NLGN4X: variants seen among roughly 807,000 people sequenced by gnomAD.
NLGN4X encodes the protein neuroligin-4, X-linked.
NLGN4X carries 3 observed loss-of-function variants against 40.3 expected under a neutral mutation model. That is an observed-to-expected ratio of 0.07 (90% CI 0.03 to 0.19). The LOEUF (loss-of-function observed/expected upper bound fraction) is 0.19, where lower values mean the gene tolerates loss of function less well. Ranked by LOEUF, NLGN4X falls within the 10% of genes least tolerant of loss-of-function variation. The probability of loss-of-function intolerance (pLI) is 1.00; values close to 1 mark genes in which losing one functional copy is unlikely to be tolerated. For synonymous variants in NLGN4X, 270 were observed against 306.8 expected, an observed-to-expected ratio of 0.88 and a Z score of 1.25; for missense variants, 382 against 708.3, an observed-to-expected ratio of 0.54 and a Z score of 5.23.
intron 2 of NLGN4X, among the ~76,000 whole-genome samples, chrX:6,122,589 C>T (rs7063276): frequency 0.018 from 1,977 of 109,374 alleles, 30 homozygotes; most frequent in African/African-American, 0.062. Context: ...AGACCTCTAC[C>T]GGCCTCAAGA....
chrX:6,140,860 A>T (rs1285319473), intron 2 of NLGN4X, among the ~76,000 whole-genome samples: 1 of 110,400 alleles, frequency 9.1e-6, no homozygotes, highest in Non-Finnish European at 1.9e-5. Flanking sequence ...TTACAAGAGC[A>T]AGCCACCACT....
intron 3 of NLGN4X, among the ~76,000 whole-genome samples, chrX:5,967,836 C>T (rs1345016521): frequency 9.0e-6 from 1 of 110,897 alleles, no homozygotes; most frequent in African/African-American, 3.3e-5. Context: ...TGATACCAAG[C>T]CCCTGCATCC....
At chrX:6,218,474 CCACA>C (rs371223344) in intron 1 of NLGN4X, among the ~76,000 whole-genome samples, 4 of 46,983 alleles carry the variant, frequency 8.5e-5, no homozygotes, top group South Asian at 2.3e-3. Context: ...GAGATTAAAC[CCACA>C]CACACACACA....
rs186641900 is a variant in NLGN4X at position 6,042,239 on chromosome X, G to A, written c.473-12807C>T. Among the ~76,000 whole-genome samples, 690 of 111,327 alleles carry A rather than the reference G, an allele frequency of 6.2e-3. 6 individuals are homozygous for A. Among genetic ancestry groups the A allele is most frequent in the African/African-American group, 0.02 (599 of 30,656 alleles). ...AGTAATTTTCCTTTGCTGTTTTGCT[G>A]GATTTAGCAATAATTGATTTCACAC... is the stretch of plus-strand genomic sequence containing the variant. On this transcript the variant is annotated intron_variant, in intron 2 of 5. Coordinates refer to ENST00000381095, the MANE Select transcript of NLGN4X (RefSeq NM_181332.3).
chrX:6,014,859 C>G (rs982258563), intron 3 of NLGN4X, among the ~76,000 whole-genome samples: 3 of 111,659 alleles, frequency 2.7e-5, no homozygotes, highest in African/African-American at 9.8e-5. Flanking sequence ...AAATCAGGTG[C>G]TACTATCCCC....
intron 2 of NLGN4X, among the ~76,000 whole-genome samples, chrX:6,109,602 T>C (rs1368822769): frequency 8.9e-6 from 1 of 111,989 alleles, no homozygotes; most frequent in Admixed American, 9.5e-5. Context: ...ATCTCTCACT[T>C]TCTGATCCAG....
At chrX:6,112,752 T>G (rs2147534205) in intron 2 of NLGN4X, among the ~76,000 whole-genome samples, 1 of 109,607 alleles carries the variant, frequency 9.1e-6, no homozygotes, top group Non-Finnish European at 1.9e-5. Context: ...CCCGGCCTCC[T>G]GCTTTCTTAA....
intron 3 of NLGN4X, among the ~76,000 whole-genome samples, chrX:5,909,640 C>A (rs775359323): frequency 4.3e-5 from 4 of 92,767 alleles, no homozygotes; most frequent in Non-Finnish European, 8.3e-5. Context: ...GAAAACAGTA[C>A]GTGTGTGGGG....
chrX:5,935,792 C>A (rs1305659539), intron 3 of NLGN4X, among the ~76,000 whole-genome samples: 2 of 111,503 alleles, frequency 1.8e-5, no homozygotes, highest in Admixed American at 1.9e-4. Context: ...TGGTTAAAAT[C>A]AAAAACATAC....
In NLGN4X at chrX:5,907,014, G is replaced by C. The variant is rs1482758515; in HGVS notation, c.811+2040C>G. Among the ~76,000 whole-genome samples the C allele has an allele frequency of 3.6e-5, 4 of 109,738 alleles. No individual in the cohort carries two copies. In the East Asian group the frequency reaches 1.2e-3, roughly 32 times the overall value. The stretch of plus-strand genomic sequence containing the variant: ...AGAATCGCTTTGAATCCAGAAGGTG[G>C]ATGTTGCGGTAAGCCAAGATTGTGC... On this transcript the variant is annotated intron_variant, in intron 4 of 5. Transcript: ENST00000381095.
intron 2 of NLGN4X, among the ~76,000 whole-genome samples, chrX:6,095,098 CGTGCGTGTGT>C (rs1336614412): frequency 1.8e-4 from 4 of 22,259 alleles, no homozygotes; most frequent in Admixed American, 6.7e-4. Flanking sequence ...TAAGTACGTG[CGTGCGTGTGT>C]GTGTGTGTGT....
intron 1 of NLGN4X, among the ~76,000 whole-genome samples, chrX:6,224,697 T>A (rs1180585928): frequency 9.1e-6 from 1 of 109,950 alleles, no homozygotes; most frequent in Non-Finnish European, 1.9e-5. Flanking sequence ...GCTAGGTTAC[T>A]GGTTTGAGGG....
intron 3 of NLGN4X, among the ~76,000 whole-genome samples, chrX:6,022,575 C>T (rs1358585968): frequency 8.9e-6 from 1 of 111,940 alleles, no homozygotes; most frequent in Non-Finnish European, 1.9e-5. Context: ...CCATTGAACT[C>T]CCACTAATGT....
In NLGN4X at chrX:5,893,105, G is replaced by T; in HGVS notation, c.2163C>A (p.Ile721=). 8.3e-7 allele frequency: 1 copy of T among 1,211,506 alleles called. No individual in the cohort carries two copies. The highest frequency in any genetic ancestry group is 1.1e-6 in the Non-Finnish European group (1 of 895,434). The change falls in exon 6 of 6, where the codon ATC becomes ATA. Residue 721 remains isoleucine, a synonymous_variant. Coordinates refer to ENST00000381095, the MANE Select transcript of NLGN4X (RefSeq NM_181332.3). ...TGATCTCTTCGTTCTGGATGTGAGC[G>T]ATATCATTTGTGGTGTTTCTCTGGG... ...PSPQRNTTND[I]AHIQNEEIMS... is the part of the protein sequence containing the mutation.
chrX:6,120,813 C>T (rs766941877), intron 2 of NLGN4X, among the ~76,000 whole-genome samples: 2 of 111,367 alleles, frequency 1.8e-5, no homozygotes, highest in Non-Finnish European at 3.8e-5. Context: ...AGCAGGTTGC[C>T]CAGGGAGAAG....
intron 3 of NLGN4X, among the ~76,000 whole-genome samples, chrX:5,942,044 C>T (rs1297337679): frequency 9.1e-6 from 1 of 110,458 alleles, no homozygotes; most frequent in Non-Finnish European, 1.9e-5. Context: ...CTGCTTGAGC[C>T]TAAAAGTTTA....
chrX:6,011,367 A>C (rs1246193192), intron 3 of NLGN4X, among the ~76,000 whole-genome samples: 1 of 23,961 alleles, frequency 4.2e-5, no homozygotes, highest in Non-Finnish European at 1.0e-4. Flanking sequence ...AAATTCAGAA[A>C]TATATATATA....
intron 3 of NLGN4X, among the ~76,000 whole-genome samples, chrX:5,921,973 A>G (rs1006368867): frequency 2.7e-5 from 3 of 111,736 alleles, no homozygotes; most frequent in Non-Finnish European, 5.6e-5. Flanking sequence ...GCTGACAGCC[A>G]CTGCAGAAGG....
intron 2 of NLGN4X, among the ~76,000 whole-genome samples, chrX:6,098,650 C>T (rs1212867766): frequency 8.9e-6 from 1 of 111,885 alleles, no homozygotes; most frequent in Non-Finnish European, 1.9e-5. Context: ...GCTTCCCCTC[C>T]TGCCTAACTC....
Sources: allele counts gnomAD v4.1 joint callset (sites outside exome capture counted in the v4.1 genomes callset), GRCh38; gene constraint gnomAD v4.1.1; transcripts MANE v1.5; gene names NCBI Gene and HGNC (gene_info 2026-07-23, HGNC 2026-07-21).